Variants in MET observed in about 807,000 individuals in gnomAD.
MET encodes MET proto-oncogene, receptor tyrosine kinase.
In MET, 48 loss-of-function variants were observed where a neutral mutation model predicts 133.1. The observed-to-expected ratio is 0.36, with a 90% CI of 0.29 to 0.46. The LOEUF (loss-of-function observed/expected upper bound fraction) is 0.46. Among genes scored for constraint, MET ranks in the 20% least tolerant of loss-of-function variants. The pLI is 1.00. For synonymous variants in MET, 628 were observed against 616.5 expected, an observed-to-expected ratio of 1.02 and a Z score of -0.28; for missense variants, 1,442 against 1,695.9, an observed-to-expected ratio of 0.85 and a Z score of 2.63.
chr7:116,699,156 G>A lies in MET; in HGVS notation c.72G>A (p.Gly24=), dbSNP rs770829669. 3 of 1,613,882 alleles carry A rather than the reference G, an allele frequency of 1.9e-6. No homozygotes were observed. The highest frequency in any genetic ancestry group is 2.7e-5 in the African/African-American group (2 of 74,982). Residue 24 remains glycine, a synonymous_variant, in exon 2 of 21, where the codon GGG becomes GGA. Coordinates refer to ENST00000397752, the MANE Select transcript of MET (RefSeq NM_000245.4). ...LLFTLVQRSN[G]ECKEALAKSE... ...TTACCTTGGTGCAGAGGAGCAATGG[G>A]GAGTGTAAAGAGGCACTAGCAAAGT... is the stretch of plus-strand genomic sequence containing the variant.
intron 17 of MET, among the ~76,000 whole-genome samples, chr7:116,781,292 A>G (rs1795147113): frequency 6.6e-6 from 1 of 152,154 alleles, no homozygotes; most frequent in South Asian, 2.1e-4. Flanking sequence ...ACCCTGCATG[A>G]CAGGGTGTGC....
At chr7:116,777,151 A>G (rs182236537) in intron 15 of MET, among the ~76,000 whole-genome samples, 1 of 152,324 alleles carries the variant, frequency 6.6e-6, no homozygotes, top group Non-Finnish European at 1.5e-5. Flanking sequence ...TCTACAACTT[A>G]TTCATGAATT....
chr7:116,686,839 G>A (rs528712262), intron 1 of MET, among the ~76,000 whole-genome samples: 13 of 152,224 alleles, frequency 8.5e-5, no homozygotes, highest in African/African-American at 2.2e-4. Flanking sequence ...CCAGGTGCCC[G>A]TGTGTGAGTC....
At chr7:116,778,684 GT>G (rs1795062587) in intron 16 of MET, 91 bp from the exon 17 acceptor site, 13 of 1,320,762 alleles carry the variant, frequency 9.8e-6, no homozygotes, top group Non-Finnish European at 1.4e-5. Context: ...TAACTGTGTG[GT>G]TTACCATTTC....
At chr7:116,764,223 A>G (rs1173767792) in intron 11 of MET, among the ~76,000 whole-genome samples, 1 of 152,186 alleles carries the variant, frequency 6.6e-6, no homozygotes, top group Non-Finnish European at 1.5e-5. Context: ...TCACGTTCAT[A>G]CAAGTTTACT....
intron 19 of MET, among the ~76,000 whole-genome samples, chr7:116,789,883 G>A (rs1440825320): frequency 6.6e-6 from 1 of 152,146 alleles, no homozygotes; most frequent in Admixed American, 6.5e-5. Context: ...CGTGTGCCAT[G>A]GTGGTTTGCT....
At chr7:116,722,114 G>T (rs1011205779) in intron 2 of MET, among the ~76,000 whole-genome samples, 10 of 151,448 alleles carry the variant, frequency 6.6e-5, no homozygotes, top group South Asian at 6.4e-4. Context: ...TAATGTGTGG[G>T]AGTCTAAGTC....
At position 116,731,019 on chromosome 7, in the gene MET, A is replaced by G. The variant is rs542440838; in HGVS notation, c.1201-649A>G. Among the ~76,000 whole-genome samples, 7 of 152,318 alleles carry G rather than the reference A, an allele frequency of 4.6e-5. No homozygotes were observed. In the East Asian group the frequency reaches 1.3e-3, roughly 29 times the overall value. On this transcript the variant is annotated intron_variant, in intron 2 of 20. Coordinates refer to ENST00000397752, the MANE Select transcript of MET (RefSeq NM_000245.4). ...ATAAACTAGCTTGTTTAATAGTTAC[A>G]CAAGCTCTATAAGGTAAGTACTATT...
At chr7:116,787,189 G>A (rs1795340329) in intron 19 of MET, among the ~76,000 whole-genome samples, 1 of 152,112 alleles carries the variant, frequency 6.6e-6, no homozygotes. Flanking sequence ...GAAAGAAGTG[G>A]GTGCTAGAGA....
In MET at chr7:116,699,921, C is replaced by A. The variant is rs746494770; in HGVS notation, c.837C>A (p.Ile279=). 1 of 1,613,958 alleles carries A rather than the reference C, an allele frequency of 6.2e-7. No homozygotes were observed. The highest frequency in any genetic ancestry group is 2.2e-5 in the East Asian group (1 of 44,890). ...CTCAGACTTTTCACACAAGAATAAT[C>A]AGGTTCTGTTCCATAAACTCTGGAT... The part of the protein sequence containing the change: ...LDAQTFHTRI[I]RFCSINSGLH... Residue 279 remains isoleucine (I), a synonymous_variant, in exon 2 of 21, where the codon ATC becomes ATA. Transcript: ENST00000397752.
chr7:116,783,486 C>T lies in MET; in HGVS notation c.3798+17C>T. On this transcript the variant is annotated intron_variant, in intron 19 of 20. Transcript: ENST00000397752. ...TCAGATGTGGTAATGTATTGGTTATCTCTGAGTTTCTCCTCTTTTACTTTC... is the reference window on the plus strand; with the variant it reads ...TCAGATGTGGTAATGTATTGGTTATTTCTGAGTTTCTCCTCTTTTACTTTC... 7 of 1,613,812 alleles carry T rather than the reference C, an allele frequency of 4.3e-6. No individual in the cohort carries two copies. The highest frequency in any genetic ancestry group is 5.9e-6 in the Non-Finnish European group (7 of 1,179,880).
chr7:116,713,885 A>G (rs1792096562), intron 2 of MET, among the ~76,000 whole-genome samples: 1 of 152,216 alleles, frequency 6.6e-6, no homozygotes, highest in Non-Finnish European at 1.5e-5. Flanking sequence ...GCACATAAAC[A>G]GACCATGGCT....
rs537970103 is a variant in MET at position 116,701,421 on chromosome 7, A to G, written c.1200+1137A>G. On this transcript the variant is annotated intron_variant, in intron 2 of 20. Coordinates refer to ENST00000397752, the MANE Select transcript of MET (RefSeq NM_000245.4). ...ATATAATTTGCTGAGGGGTAAAGGC[A>G]TATGAATTCAGAGACATTTGGTTGA... Among the ~76,000 whole-genome samples the G allele has an allele frequency of 3.3e-5, 5 of 152,298 alleles. No homozygotes were observed. The South Asian group carries it at 1.0e-3, about 32-fold the overall frequency.
chr7:116,709,583 G>C (rs999807091), intron 2 of MET, among the ~76,000 whole-genome samples: 3 of 152,022 alleles, frequency 2.0e-5, no homozygotes, highest in African/African-American at 7.2e-5. Flanking sequence ...GAGAAAGAAG[G>C]GGTGTTTTCC....
chr7:116,717,625 A>T (rs1792296964), intron 2 of MET, among the ~76,000 whole-genome samples: 1 of 152,244 alleles, frequency 6.6e-6, no homozygotes, highest in African/African-American at 2.4e-5. Flanking sequence ...AGTCATGGTC[A>T]AAGAGGAGAG....
intron 1 of MET, among the ~76,000 whole-genome samples, chr7:116,691,243 T>G (rs1562878494): frequency 6.6e-6 from 1 of 152,210 alleles, no homozygotes; most frequent in Non-Finnish European, 1.5e-5. Context: ...GTAAATATTG[T>G]AGAAGATTTT....
At chr7:116,695,849 C>T (rs1335326423) in intron 1 of MET, 3 of 450,062 alleles carry the variant, frequency 6.7e-6, no homozygotes, top group Admixed American at 2.5e-5. Context: ...CATGGCTTTG[C>T]CTTACTGAGG....
chr7:116,745,948 A>G (rs1384137257), intron 5 of MET, among the ~76,000 whole-genome samples: 2 of 152,220 alleles, frequency 1.3e-5, no homozygotes, highest in African/African-American at 4.8e-5. Flanking sequence ...ATTAAACTAA[A>G]GAGCTTCTGC....
chr7:116,753,698 C>T (rs1201279795), intron 5 of MET, among the ~76,000 whole-genome samples: 1 of 152,058 alleles, frequency 6.6e-6, no homozygotes, highest in African/African-American at 2.4e-5. Flanking sequence ...TCTCTGGTTC[C>T]GTTTTTATCT....
Sources: allele counts gnomAD v4.1 joint callset (sites outside exome capture counted in the v4.1 genomes callset), GRCh38; gene constraint gnomAD v4.1.1; transcripts MANE v1.5; gene names NCBI Gene and HGNC (gene_info 2026-07-23, HGNC 2026-07-21).